Variants in SESN1 observed in about 807,000 individuals in gnomAD.
SESN1 encodes sestrin-1.
A neutral mutation model predicts 59.3 loss-of-function variants in SESN1; 30 were observed. The ratio of observed to expected loss-of-function variants is 0.51; its 90% CI spans 0.38 to 0.69. The LOEUF is 0.69. Among genes scored for constraint, SESN1 ranks in the 30% least tolerant of loss-of-function variants. The probability of loss-of-function intolerance (pLI) is 0.00; values close to 1 mark genes in which losing one functional copy is unlikely to be tolerated. For missense variants in SESN1, 566 were observed against 673.0 expected (o/e 0.84, Z 1.76); for synonymous variants, 197 against 219.9 (o/e 0.90, Z 0.92).
At chr6:109,006,281 T>C (rs1315259328) in intron 1 of SESN1, among the ~76,000 whole-genome samples, 3 of 152,190 alleles carry the variant, frequency 2.0e-5, no homozygotes, top group African/African-American at 7.2e-5. Context: ...GCATAACTGA[T>C]GAAAGCCCTG....
chr6:108,990,518 A>C, intron 8 of SESN1, 127 bp downstream of exon 8: 1 of 843,870 alleles, frequency 1.2e-6, no homozygotes, highest in South Asian at 1.6e-5. Flanking sequence ...AAATAGCATA[A>C]AAATAAGTTA....
intron 1 of SESN1, among the ~76,000 whole-genome samples, chr6:109,061,843 T>G (rs1780739505): frequency 1.3e-5 from 2 of 152,144 alleles, no homozygotes; most frequent in Admixed American, 1.3e-4. Flanking sequence ...TTTATTTAGT[T>G]TTTACTATGT....
intron 5 of SESN1, among the ~76,000 whole-genome samples, chr6:108,997,945 G>A (rs1246321504): frequency 6.6e-6 from 1 of 152,118 alleles, no homozygotes; most frequent in Non-Finnish European, 1.5e-5. Flanking sequence ...TAAAAGCCAG[G>A]AACAGAAGGA....
intron 2 of SESN1, 81 bp from the exon 3 acceptor site, chr6:109,001,569 A>AATGATACTTAGAGT: frequency 5.0e-6 from 6 of 1,196,010 alleles, no homozygotes; most frequent in South Asian, 1.4e-5. Flanking sequence ...CTACACTCTA[A>AATGATACTTAGAGT]GTATCATTTA....
intron 8 of SESN1, 140 bp downstream of exon 8, chr6:108,990,505 C>G (rs1009895742): frequency 1.3e-6 from 1 of 751,418 alleles, no homozygotes; most frequent in Non-Finnish European, 2.2e-6. Context: ...TTCTTTGAAG[C>G]ATAAATAGCA....
chr6:108,987,326 G>A lies in SESN1; in HGVS notation c.*218C>T. ...TGTCAAAAAGCAAAATACTGTGAATGGCAGCCTGTCTTCACAGCTCTAAAC... is the reference window on the plus strand; with the variant it reads ...TGTCAAAAAGCAAAATACTGTGAATAGCAGCCTGTCTTCACAGCTCTAAAC... On this transcript the variant is annotated 3_prime_UTR_variant, in exon 10 of 10. Coordinates refer to ENST00000436639, the MANE Select transcript of SESN1 (RefSeq NM_014454.3). The A allele has an allele frequency of 2.2e-6, 1 of 451,962 alleles. No individual in the cohort carries two copies. Among genetic ancestry groups the A allele is most frequent in the Non-Finnish European group, 3.9e-6 (1 of 255,358 alleles). The allele number at this position is 451,962 out of a possible 1,614,324, so 28.0% of individuals were successfully genotyped here. A position where few individuals can be genotyped will look rare whatever the true frequency, so the allele number is the denominator to read the frequency against.
rs149726227 is a variant in SESN1, at chr6:109,001,443, C to T, written c.391G>A (p.Ala131Thr). The change falls in exon 3 of 10, where the codon GCA (alanine) becomes ACA (threonine). Residue 131 changes from alanine to threonine, a missense_variant. Coordinates refer to ENST00000436639, the MANE Select transcript of SESN1 (RefSeq NM_014454.3). ...CGGCCCAAAGCAGCAAAAGAATCTG[C>T]AAATAAAGCATGCATCTGTGCGTCT... ...SEDAQMHALFADSFAALGRLD... is the reference protein window; with the variant it reads ...SEDAQMHALFTDSFAALGRLD... 7.2e-5 allele frequency: 116 copies of T among 1,613,542 alleles called. No individual in the cohort carries two copies. Among genetic ancestry groups the T allele is most frequent in the Non-Finnish European group, 9.2e-5 (108 of 1,179,784 alleles).
At chr6:109,071,205 T>G (rs1780927891) in intron 1 of SESN1, among the ~76,000 whole-genome samples, 1 of 152,166 alleles carries the variant, frequency 6.6e-6, no homozygotes, top group Non-Finnish European at 1.5e-5. Flanking sequence ...TATAACCTAC[T>G]AGGGCAGACA....
intron 1 of SESN1, among the ~76,000 whole-genome samples, chr6:109,043,369 G>T (rs1257989104): frequency 6.6e-6 from 1 of 151,946 alleles, no homozygotes; most frequent in Non-Finnish European, 1.5e-5. Context: ...GTAAATAAAA[G>T]CCATACAGAT....
At chr6:109,087,475 T>C (rs1781232722) in intron 1 of SESN1, among the ~76,000 whole-genome samples, 1 of 152,192 alleles carries the variant, frequency 6.6e-6, no homozygotes, top group Non-Finnish European at 1.5e-5. Context: ...AAGACACGAA[T>C]GAGAGGAGGC....
chr6:109,014,271 G>A (rs1779901115), intron 1 of SESN1, among the ~76,000 whole-genome samples: 1 of 152,040 alleles, frequency 6.6e-6, no homozygotes, highest in African/African-American at 2.4e-5. Flanking sequence ...AGGTTTTCTA[G>A]GCTGATAATA....
At chr6:109,055,619 GC>G in intron 1 of SESN1, among the ~76,000 whole-genome samples, 1 of 139,492 alleles carries the variant, frequency 7.2e-6, no homozygotes, top group South Asian at 2.3e-4. Flanking sequence ...TGTAGATCAT[GC>G]CACTGCACTC....
intron 4 of SESN1, chr6:108,999,195 T>C (rs2114299265): frequency 6.5e-6 from 1 of 153,404 alleles, no homozygotes; most frequent in Non-Finnish European, 1.5e-5. Flanking sequence ...GATAGTGGCT[T>C]GAACAACTTG....
chr6:108,988,729 T>C (rs376671891), intron 8 of SESN1, 42 bp from the exon 9 acceptor site: 54 of 1,494,138 alleles, frequency 3.6e-5, no homozygotes, highest in Non-Finnish European at 4.6e-5. Flanking sequence ...TTTCAGTGTA[T>C]AACCTGTTTT....
intron 1 of SESN1, among the ~76,000 whole-genome samples, chr6:109,038,250 TGA>T (rs1780277327): frequency 6.6e-6 from 1 of 152,250 alleles, no homozygotes; most frequent in African/African-American, 2.4e-5. Flanking sequence ...CCCAGCACTT[TGA>T]GAGACCAAGG....
chr6:109,083,188 G>C (rs553920523), intron 1 of SESN1, among the ~76,000 whole-genome samples: 1 of 152,280 alleles, frequency 6.6e-6, no homozygotes, highest in African/African-American at 2.4e-5. Context: ...TGAGGAAACT[G>C]AGACTGTAGA....
chr6:109,015,773 G>GC, intron 1 of SESN1, among the ~76,000 whole-genome samples: 1 of 152,214 alleles, frequency 6.6e-6, no homozygotes, highest in East Asian at 1.9e-4. Context: ...CTCAAAAAAG[G>GC]CAACAAAAGA....
intron 1 of SESN1, among the ~76,000 whole-genome samples, chr6:109,029,374 G>A (rs1296915389): frequency 6.6e-6 from 1 of 152,156 alleles, no homozygotes; most frequent in African/African-American, 2.4e-5. Context: ...ACTATTCAGA[G>A]CAATTCTTAA....
intron 9 of SESN1, 152 bp downstream of exon 9, chr6:108,988,391 C>T (rs113950622): frequency 2.0e-5 from 12 of 602,402 alleles, no homozygotes; most frequent in African/African-American, 1.3e-4. Context: ...ATCAGGTTCC[C>T]TTCTGAAGGG....
Sources: gnomAD v4.1 joint callset for allele counts (sites outside exome capture counted in the v4.1 genomes callset) on GRCh38, gnomAD v4.1.1 for gene constraint, MANE v1.5 for transcripts, NCBI Gene and HGNC (gene_info 2026-07-23, HGNC 2026-07-21) for gene names.